The following RAD51B variants were observed in gnomAD, a reference collection of about 807,000 sequenced individuals.
The protein encoded by RAD51B is RAD51 paralog B.
Under a neutral mutation model 42.2 loss-of-function variants are expected in RAD51B, and 38 were observed. The observed-to-expected ratio is 0.90, with a 90% CI of 0.70 to 1.18. The LOEUF (loss-of-function observed/expected upper bound fraction) is 1.18, where lower values mean the gene tolerates loss of function less well. RAD51B is among the 50% of genes most tolerant of loss of function. The pLI, the probability that RAD51B is intolerant of heterozygous loss-of-function variation, is 0.00. For synonymous variants in RAD51B, 154 were observed against 145.2 expected (o/e 1.06, Z -0.43); for missense variants, 373 against 400.7 (o/e 0.93, Z 0.59).
chr14:68,590,515 T>C (rs1383959686), intron 10 of RAD51B, among the ~76,000 whole-genome samples: 2 of 152,208 alleles, frequency 1.3e-5, no homozygotes, highest in Non-Finnish European at 2.9e-5. Flanking sequence ...CCTGGCGATG[T>C]CAGGTCTTCA....
intron 7 of RAD51B, among the ~76,000 whole-genome samples, chr14:67,981,024 A>G (rs889801964): frequency 1.3e-5 from 2 of 152,192 alleles, no homozygotes; most frequent in African/African-American, 4.8e-5. Context: ...CTCAAAATTC[A>G]ATAAAAAATC....
intron 7 of RAD51B, among the ~76,000 whole-genome samples, chr14:68,259,724 G>C (rs1294902672): frequency 1.3e-5 from 2 of 152,146 alleles, no homozygotes; most frequent in Non-Finnish European, 2.9e-5. Context: ...TGAGCTCATG[G>C]CACTTTATTT....
intron 9 of RAD51B, among the ~76,000 whole-genome samples, chr14:68,440,853 A>G (rs35775814): frequency 0.019 from 2,964 of 152,332 alleles, 109 homozygotes; most frequent in Admixed American, 0.088. Flanking sequence ...ACTACAGGGA[A>G]CAGCTGAAAC....
intron 7 of RAD51B, among the ~76,000 whole-genome samples, chr14:68,259,965 T>C (rs2080843295): frequency 6.6e-6 from 1 of 152,192 alleles, no homozygotes. Context: ...CAAGGAGCTT[T>C]CATTCCAGTG....
At chr14:68,087,721 G>A (rs556960505) in intron 7 of RAD51B, among the ~76,000 whole-genome samples, 3 of 149,766 alleles carry the variant, frequency 2.0e-5, no homozygotes, top group Non-Finnish European at 4.4e-5. Context: ...TAGAATTGAA[G>A]GTCATGTATA....
intron 7 of RAD51B, among the ~76,000 whole-genome samples, chr14:68,061,926 G>A (rs1001878967): frequency 6.6e-6 from 1 of 152,072 alleles, no homozygotes; most frequent in African/African-American, 2.4e-5. Context: ...AGGACTTCCG[G>A]TACTAAATTG....
Position 68,267,790 on chromosome 14 carries a change from T to C in RAD51B, c.757-24094T>C, listed in dbSNP as rs190466048. Among the ~76,000 whole-genome samples the C allele has an allele frequency of 2.7e-4, 41 of 152,372 alleles. No homozygotes were observed. In the East Asian group the frequency reaches 7.7e-3, roughly 29 times the overall value. On this transcript the variant is annotated intron_variant, in intron 7 of 10. Coordinates refer to ENST00000471583, the MANE Select transcript of RAD51B (RefSeq NM_133510.4). ...CAGATTAATCGTATCACTTTGTGTATGAATATCATATAAAAATGTTAGTGG... is the reference window on the plus strand; with the variant it reads ...CAGATTAATCGTATCACTTTGTGTACGAATATCATATAAAAATGTTAGTGG...
At chr14:68,252,271 T>C (rs960277654) in intron 7 of RAD51B, among the ~76,000 whole-genome samples, 3 of 152,226 alleles carry the variant, frequency 2.0e-5, no homozygotes, top group African/African-American at 4.8e-5. Context: ...GTATAGAGAC[T>C]CAAATGTGGG....
intron 7 of RAD51B, among the ~76,000 whole-genome samples, chr14:67,987,754 C>A (rs2075219591): frequency 6.6e-6 from 1 of 152,170 alleles, no homozygotes; most frequent in African/African-American, 2.4e-5. Context: ...CATTACTCAG[C>A]ACATATTTTA....
At chr14:68,267,278 A>T (rs2081011481) in intron 7 of RAD51B, among the ~76,000 whole-genome samples, 1 of 152,240 alleles carries the variant, frequency 6.6e-6, no homozygotes, top group African/African-American at 2.4e-5. Flanking sequence ...AATAATAGGA[A>T]AACCGTGACA....
At chr14:68,472,722 G>A (rs1461090686) in intron 10 of RAD51B, among the ~76,000 whole-genome samples, 1 of 152,176 alleles carries the variant, frequency 6.6e-6, no homozygotes, top group African/African-American at 2.4e-5. Flanking sequence ...CGGGAGCTGG[G>A]GAGACCAGGG....
intron 7 of RAD51B, among the ~76,000 whole-genome samples, chr14:67,896,445 G>T (rs1452101473): frequency 4.6e-5 from 7 of 152,188 alleles, no homozygotes; most frequent in Admixed American, 1.3e-4. Context: ...TATACGAAGA[G>T]CTGTGATCAT....
intron 10 of RAD51B, chr14:68,540,908 A>C (rs1887928172): frequency 3.6e-5 from 35 of 985,320 alleles, no homozygotes; most frequent in Non-Finnish European, 4.1e-5. Flanking sequence ...GGGCCAGATG[A>C]TGTGAAGTTT....
intron 8 of RAD51B, among the ~76,000 whole-genome samples, chr14:68,379,939 TAG>T (rs1246391799): frequency 6.6e-6 from 1 of 152,246 alleles, no homozygotes; most frequent in Non-Finnish European, 1.5e-5. Flanking sequence ...TCTATAAACA[TAG>T]AGTGTGTACT....
intron 10 of RAD51B, chr14:68,540,167 T>A (rs1205843221): frequency 1.0e-5 from 1 of 99,188 alleles, no homozygotes; most frequent in Non-Finnish European, 1.2e-5. Context: ...ACCCTGCTCC[T>A]TTTTTTTTTT....
intron 7 of RAD51B, among the ~76,000 whole-genome samples, chr14:68,187,875 C>T (rs578172909): frequency 2.6e-5 from 4 of 152,164 alleles, no homozygotes; most frequent in African/African-American, 7.2e-5. Context: ...AGTGCAGTGG[C>T]GCAATCTCGG....
At chr14:67,941,714 A>AT (rs1566970166) in intron 7 of RAD51B, among the ~76,000 whole-genome samples, 2 of 152,194 alleles carry the variant, frequency 1.3e-5, no homozygotes, top group African/African-American at 4.8e-5. Context: ...ACATAGAGAT[A>AT]TAGCACAGTA....
chr14:68,437,027 G>T (rs1168959537), intron 9 of RAD51B, among the ~76,000 whole-genome samples: 1 of 152,076 alleles, frequency 6.6e-6, no homozygotes, highest in Non-Finnish European at 1.5e-5. Context: ...TTGCCTGACT[G>T]CTCTGGCTAG....
chr14:68,380,437 A>C (rs1486818890), intron 8 of RAD51B, among the ~76,000 whole-genome samples: 1 of 152,198 alleles, frequency 6.6e-6, no homozygotes, highest in African/African-American at 2.4e-5. Flanking sequence ...AGCAGGCCCC[A>C]GATGGTTAGA....
Sources: gnomAD v4.1 joint callset for allele counts (sites outside exome capture counted in the v4.1 genomes callset) on GRCh38, gnomAD v4.1.1 for gene constraint, MANE v1.5 for transcripts, NCBI Gene and HGNC (gene_info 2026-07-23, HGNC 2026-07-21) for gene names.